The following TMED3 variants were observed in gnomAD, a reference collection of about 807,000 sequenced individuals.
TMED3 encodes transmembrane p24 trafficking protein 3, also known as transmembrane emp24 domain-containing protein 3.
A neutral mutation model predicts 15.0 loss-of-function variants in TMED3; 9 were observed. That is an observed-to-expected ratio of 0.60 (90% CI 0.36 to 1.04). The LOEUF is 1.04. TMED3 is among the 50% of genes least tolerant of loss of function. TMED3 has a pLI of 0.01. For synonymous variants in TMED3, 117 were observed against 121.4 expected (o/e 0.96, Z 0.24); for missense variants, 267 against 278.9 (o/e 0.96, Z 0.30).
At chr15:79,321,843 TA>T in intron 2 of TMED3, 134 bp from the exon 3 acceptor site, 1 of 1,143,456 alleles carries the variant, frequency 8.7e-7, no homozygotes. Context: ...TAAAACCACG[TA>T]AAACCCTTAG....
At chr15:79,326,242 A>G (rs988734299), downstream of TMED3, among the ~76,000 whole-genome samples, 4 of 152,254 alleles carry the variant, frequency 2.6e-5, no homozygotes, top group Non-Finnish European at 5.9e-5. Flanking sequence ...CCAAAAGGAT[A>G]TGCTATGTGG....
At chr15:79,360,664 C>T (rs549161493) in intron 2 of TMED3, among the ~76,000 whole-genome samples, 21 of 151,386 alleles carry the variant, frequency 1.4e-4, no homozygotes, top group South Asian at 2.1e-4. Flanking sequence ...ATATGTCCAG[C>T]GATGCAGGTG....
At chr15:79,321,436 C>G (rs1197217655) in intron 2 of TMED3, among the ~76,000 whole-genome samples, 2 of 152,218 alleles carry the variant, frequency 1.3e-5, no homozygotes, top group Non-Finnish European at 2.9e-5. Context: ...TGCTTACATA[C>G]ATGAAGCGTG....
intron 2 of TMED3, among the ~76,000 whole-genome samples, chr15:79,359,241 T>G (rs1043657269): frequency 6.7e-6 from 1 of 150,338 alleles, no homozygotes; most frequent in Non-Finnish European, 1.5e-5. Context: ...TTTTTTTTTT[T>G]TTTTTTTTTG....
In TMED3 at chr15:79,406,297, A is replaced by G. The variant is rs375459156; in HGVS notation, c.418-5103A>G. Among the ~76,000 whole-genome samples the G allele has an allele frequency of 5.9e-5, 9 of 152,194 alleles. No individual in the cohort carries two copies. In the East Asian group the frequency reaches 1.4e-3, roughly 23 times the overall value. On this transcript the variant is annotated intron_variant, in intron 2 of 2. Coordinates refer to the TMED3 transcript ENST00000424155. Reference sequence around the variant, plus strand: ...TGCTTTAATAGCCCTTTCTCCATAGACCCGGAAATGAATGAGACGTCCTGT... The same window carrying G: ...TGCTTTAATAGCCCTTTCTCCATAGGCCCGGAAATGAATGAGACGTCCTGT...
At chr15:79,399,333 T>G (rs920732833) in intron 2 of TMED3, among the ~76,000 whole-genome samples, 1 of 152,178 alleles carries the variant, frequency 6.6e-6, no homozygotes, top group Admixed American at 6.5e-5. Context: ...CTCAACTGTC[T>G]TGGTGTGCCC....
chr15:79,336,833 A>G (rs1423505841), intron 2 of TMED3, among the ~76,000 whole-genome samples: 1 of 152,238 alleles, frequency 6.6e-6, no homozygotes. Context: ...ATTGACTTAT[A>G]AAATAGAGGG....
chr15:79,403,712 T>C (rs1485839996), intron 2 of TMED3, among the ~76,000 whole-genome samples: 1 of 152,190 alleles, frequency 6.6e-6, no homozygotes, highest in African/African-American at 2.4e-5. Context: ...AGTGGAAACT[T>C]ACTGTAATCT....
rs1197675933 is a variant in TMED3, at chr15:79,322,638, G to A, written c.*424G>A. 33 of 991,886 alleles carry A rather than the reference G, an allele frequency of 3.3e-5. No homozygotes were observed. The highest frequency in any genetic ancestry group is 9.3e-5 in the South Asian group (2 of 21,536). 61.4% of individuals were successfully genotyped at this position (991,886 alleles called of 1,614,324 possible). On this transcript the variant is annotated 3_prime_UTR_variant, in exon 3 of 3. Transcript: ENST00000299705. ...GGAGAAGAAAGGGGCTCTAAGTTCT[G>A]GCTCTTCTTTCTTTGGGGTTCTCTG...
At chr15:79,391,220 T>A (rs1405890297) in intron 2 of TMED3, among the ~76,000 whole-genome samples, 1 of 152,072 alleles carries the variant, frequency 6.6e-6, no homozygotes, top group Non-Finnish European at 1.5e-5. Context: ...TTGATGTAGG[T>A]GTTTAGGGCC....
At chr15:79,370,285 T>C (rs1286413073) in intron 2 of TMED3, among the ~76,000 whole-genome samples, 1 of 143,240 alleles carries the variant, frequency 7.0e-6, no homozygotes, top group Non-Finnish European at 1.5e-5. Context: ...TTTTTTTGTA[T>C]TTTTTTGCAA....
intron 2 of TMED3, among the ~76,000 whole-genome samples, chr15:79,366,600 T>C (rs979308946): frequency 5.3e-5 from 8 of 152,226 alleles, no homozygotes; most frequent in Admixed American, 4.6e-4. Flanking sequence ...TTTTCCTTTA[T>C]TTCCATGCTT....
intron 2 of TMED3, among the ~76,000 whole-genome samples, chr15:79,348,171 G>A (rs2058878157): frequency 6.6e-6 from 1 of 151,956 alleles, no homozygotes; most frequent in African/African-American, 2.4e-5. Context: ...CCCTGAAGAG[G>A]GCACAGTGCC....
chr15:79,353,270 AAT>A (rs1282591626), intron 2 of TMED3, among the ~76,000 whole-genome samples: 3 of 62,302 alleles, frequency 4.8e-5, no homozygotes, highest in Admixed American at 3.0e-4. Context: ...TATTATATAT[AAT>A]ATATATAATA....
intron 1 of TMED3, among the ~76,000 whole-genome samples, chr15:79,311,798 C>G (rs1313956614): frequency 1.3e-5 from 2 of 152,146 alleles, no homozygotes; most frequent in Admixed American, 1.3e-4. Flanking sequence ...CACCTTGTGC[C>G]TTCGAGTACT....
In TMED3 at chr15:79,385,665, A is replaced by G. The variant is rs1405503548; in HGVS notation, c.418-25735A>G. Among the ~76,000 whole-genome samples, 4 of 152,158 alleles carry G rather than the reference A, an allele frequency of 2.6e-5. No homozygotes were observed. In the East Asian group the frequency reaches 7.7e-4, roughly 29 times the overall value. ...AGGGCAGATCCTGCCTGTTCCTGGC[A>G]ACCTCGAAGAGCACAGGTAGGCTCA... On this transcript the variant is annotated intron_variant, in intron 2 of 2. Coordinates refer to the TMED3 transcript ENST00000424155.
At chr15:79,404,817 C>T (rs896512727) in intron 2 of TMED3, among the ~76,000 whole-genome samples, 1 of 152,258 alleles carries the variant, frequency 6.6e-6, no homozygotes, top group African/African-American at 2.4e-5. Context: ...CTCATGACCA[C>T]CCCTGAGTGG....
intron 2 of TMED3, among the ~76,000 whole-genome samples, chr15:79,409,333 A>G (rs771855100): frequency 7.9e-5 from 12 of 152,232 alleles, no homozygotes; most frequent in East Asian, 1.9e-4. Flanking sequence ...ACAAATTTCT[A>G]TAGATAAAAC....
intron 2 of TMED3, among the ~76,000 whole-genome samples, chr15:79,316,860 G>A (rs1468214717): frequency 1.3e-5 from 2 of 152,208 alleles, no homozygotes; most frequent in Admixed American, 1.3e-4. Flanking sequence ...TTTCTGCTGG[G>A]TGGGAAGCTG....
Sources: allele counts gnomAD v4.1 joint callset (sites outside exome capture counted in the v4.1 genomes callset), GRCh38; gene constraint gnomAD v4.1.1; transcripts MANE v1.5; gene names NCBI Gene and HGNC (gene_info 2026-07-23, HGNC 2026-07-21).